The following BCAR3 variants were observed in gnomAD, a reference collection of about 807,000 sequenced individuals.
The protein encoded by BCAR3 is BCAR3 adaptor protein, NSP family member, also known as breast cancer anti-estrogen resistance protein 3.
A neutral mutation model predicts 80.1 loss-of-function variants in BCAR3; 37 were observed. The observed-to-expected ratio is 0.46, with a 90% CI of 0.36 to 0.61. The LOEUF is 0.61. BCAR3 is among the 20% of genes least tolerant of loss of function. The probability of loss-of-function intolerance (pLI) is 0.00; values close to 1 mark genes in which losing one functional copy is unlikely to be tolerated. For missense variants in BCAR3, 978 were observed against 1,068.2 expected (o/e 0.92, Z 1.18); for synonymous variants, 389 against 418.9 (o/e 0.93, Z 0.87).
intron 3 of BCAR3, chr1:93,602,415 C>G (rs236338): frequency 6.6e-6 from 1 of 152,198 alleles, no homozygotes; most frequent in African/African-American, 2.4e-5. Flanking sequence ...CTGTGATGAC[C>G]TGAGACCTGC....
chr1:93,568,621 T>C (rs111782875), intron 9 of BCAR3, among the ~76,000 whole-genome samples: 170 of 152,316 alleles, frequency 1.1e-3, no homozygotes, highest in African/African-American at 4.0e-3. Context: ...AAAACTGGAA[T>C]TGACCTCCCC....
rs576758249 is a variant in BCAR3, at chr1:93,567,966, C to T, written c.1975-115G>A. 7.4e-5 allele frequency: 55 copies of T among 742,834 alleles called. No individual in the cohort carries two copies. In the African/African-American group the frequency reaches 8.8e-4, roughly 12 times the overall value. The allele number at this position is 742,834 out of a possible 1,614,324, so 46.0% of individuals were successfully genotyped here. A position where few individuals can be genotyped will look rare whatever the true frequency, so the allele number is the denominator to read the frequency against. On this transcript the variant is annotated intron_variant, in intron 9 of 11. Transcript: ENST00000260502. ...CTTTGGGAGGCTGAGGCGGGTGGAT[C>T]ACTTGAGGTCAGGAGTTCAAGACCA...
chr1:93,689,539 A>G (rs1197297927), intron 3 of BCAR3, among the ~76,000 whole-genome samples: 1 of 151,770 alleles, frequency 6.6e-6, no homozygotes, highest in Non-Finnish European at 1.5e-5. Context: ...CTCAAAAAAA[A>G]AAAAAAAGTG....
intron 11 of BCAR3, among the ~76,000 whole-genome samples, chr1:93,563,060 T>C (rs1272822044): frequency 3.3e-5 from 5 of 152,190 alleles, no homozygotes; most frequent in Non-Finnish European, 7.3e-5. Flanking sequence ...TACTTGTTTT[T>C]ACCAACTTTA....
intron 2 of BCAR3, among the ~76,000 whole-genome samples, chr1:93,666,780 C>T (rs796821339): frequency 1.3e-5 from 2 of 152,258 alleles, no homozygotes; most frequent in African/African-American, 4.8e-5. Context: ...AGTTGTTATA[C>T]CTATAAACTG....
At chr1:93,691,818 G>C (rs74316088) in intron 3 of BCAR3, among the ~76,000 whole-genome samples, 2,234 of 152,224 alleles carry the variant, frequency 0.015, 53 homozygotes, top group African/African-American at 0.05. Flanking sequence ...AGAGTTCTCA[G>C]CCTTTTTTCT....
At chr1:93,651,081 T>C (rs570033777) in intron 2 of BCAR3, among the ~76,000 whole-genome samples, 2 of 151,782 alleles carry the variant, frequency 1.3e-5, no homozygotes, top group African/African-American at 4.8e-5. Context: ...AGCAACCAGG[T>C]AGAGAGAGAA....
At chr1:93,814,988 G>A (rs1214351060) in intron 2 of BCAR3, among the ~76,000 whole-genome samples, 1 of 152,214 alleles carries the variant, frequency 6.6e-6, no homozygotes, top group Non-Finnish European at 1.5e-5. Context: ...TTGCCTGCCT[G>A]CCTTCTTTCC....
intron 6 of BCAR3, among the ~76,000 whole-genome samples, chr1:93,583,750 T>TA (rs1673823490): frequency 6.6e-6 from 1 of 152,166 alleles, no homozygotes; most frequent in Non-Finnish European, 1.5e-5. Context: ...ACAAGTTACT[T>TA]AACCTATCTG....
At chr1:93,575,591 ACTC>A (rs1673422038) in intron 8 of BCAR3, among the ~76,000 whole-genome samples, 2 of 151,694 alleles carry the variant, frequency 1.3e-5, no homozygotes, top group East Asian at 1.9e-4. Context: ...TTTCCCACAA[ACTC>A]CTCCTAATTC....
intron 2 of BCAR3, among the ~76,000 whole-genome samples, chr1:93,752,650 T>A (rs1005842494): frequency 6.6e-6 from 1 of 152,224 alleles, no homozygotes. Flanking sequence ...CTTTCTTTGA[T>A]GAAGGAAAAA....
At chr1:93,741,133 G>A (rs1031325848) in intron 2 of BCAR3, among the ~76,000 whole-genome samples, 8 of 152,218 alleles carry the variant, frequency 5.3e-5, no homozygotes, top group African/African-American at 1.9e-4. Context: ...AATTTAGAAT[G>A]TGGCACTTGA....
At chr1:93,826,408 C>A (rs1404673849) in intron 2 of BCAR3, among the ~76,000 whole-genome samples, 1 of 152,182 alleles carries the variant, frequency 6.6e-6, no homozygotes, top group Non-Finnish European at 1.5e-5. Context: ...CCCATCACAG[C>A]AGCTGGGGTC....
At chr1:93,647,783 GT>G (rs371056301) in intron 2 of BCAR3, among the ~76,000 whole-genome samples, 30 of 147,734 alleles carry the variant, frequency 2.0e-4, no homozygotes, top group East Asian at 7.9e-4. Flanking sequence ...CTTGAAATAT[GT>G]TTTTTTTTTT....
intron 2 of BCAR3, among the ~76,000 whole-genome samples, chr1:93,839,888 G>C (rs1030505264): frequency 6.6e-6 from 1 of 152,150 alleles, no homozygotes; most frequent in Admixed American, 6.6e-5. Flanking sequence ...TCACTGAGGG[G>C]ATCTTAGTAA....
chr1:93,810,360 T>G (rs995301209), intron 2 of BCAR3, among the ~76,000 whole-genome samples: 2 of 152,150 alleles, frequency 1.3e-5, no homozygotes, highest in African/African-American at 4.8e-5. Flanking sequence ...AACTAGCCCT[T>G]AAGTTTTCCC....
Position 93,711,260 on chromosome 1 carries a change from G to A in BCAR3, c.-62-5118C>T, listed in dbSNP as rs1026020308. Among the ~76,000 whole-genome samples the A allele has an allele frequency of 7.2e-5, 11 of 152,328 alleles. No homozygotes were observed. The East Asian group carries it at 1.2e-3, about 16-fold the overall frequency. ...CAGAATGGTGATCTCTGGGGCCATC[G>A]TGGGAGGCTGGCTTAATTATCGCTT... On this transcript the variant is annotated intron_variant, in intron 2 of 13. Transcript: ENST00000370244.
At chr1:93,595,877 G>A (rs1208358709) in intron 3 of BCAR3, among the ~76,000 whole-genome samples, 1 of 152,222 alleles carries the variant, frequency 6.6e-6, no homozygotes, top group African/African-American at 2.4e-5. Context: ...GAATTCTGTA[G>A]GCTTCCCACA....
intron 2 of BCAR3, among the ~76,000 whole-genome samples, chr1:93,763,951 T>C (rs976954724): frequency 2.0e-5 from 3 of 152,172 alleles, no homozygotes; most frequent in African/African-American, 7.2e-5. Context: ...GGGATCCAGC[T>C]CTGTCACCCT....
Sources: allele counts gnomAD v4.1 joint callset (sites outside exome capture counted in the v4.1 genomes callset), GRCh38; gene constraint gnomAD v4.1.1; transcripts MANE v1.5; gene names NCBI Gene and HGNC (gene_info 2026-07-23, HGNC 2026-07-21).